FER1L6: variants seen among roughly 807,000 people sequenced by gnomAD.
The protein encoded by FER1L6 is fer-1-like protein 6.
FER1L6 carries 177 observed loss-of-function variants against 219.2 expected under a neutral mutation model. The ratio of observed to expected loss-of-function variants is 0.81; its 90% CI spans 0.71 to 0.91. The LOEUF (loss-of-function observed/expected upper bound fraction) is 0.91. Ranked by LOEUF, FER1L6 falls within the 40% of genes least tolerant of loss-of-function variation. FER1L6 has a pLI of 0.00. For synonymous variants in FER1L6, 768 were observed against 824.3 expected (o/e 0.93, Z 1.17); for missense variants, 2,153 against 2,259.9 (o/e 0.95, Z 0.96).
intron 26 of FER1L6, among the ~76,000 whole-genome samples, 198 bp downstream of exon 26, chr8:124,064,771 GA>G (rs1820752776): frequency 6.6e-6 from 1 of 152,210 alleles, no homozygotes; most frequent in Admixed American, 6.5e-5. Context: ...TAATGTGCAT[GA>G]AATTAAAGTG....
intron 1 of FER1L6, among the ~76,000 whole-genome samples, chr8:123,869,606 G>A (rs1383016245): frequency 6.6e-6 from 1 of 152,200 alleles, no homozygotes; most frequent in Non-Finnish European, 1.5e-5. Context: ...TTGTTAAGAT[G>A]TCAATTCTTC....
intron 5 of FER1L6, among the ~76,000 whole-genome samples, chr8:123,968,877 T>G (rs1815673836): frequency 6.6e-6 from 1 of 152,188 alleles, no homozygotes; most frequent in Admixed American, 6.6e-5. Context: ...TTACTGTGGC[T>G]GTGTCCATCT....
At chr8:123,986,009 C>T (rs1816559585) in intron 11 of FER1L6, 59 bp from the exon 12 acceptor site, 2 of 945,484 alleles carry the variant, frequency 2.1e-6, no homozygotes, top group African/African-American at 1.6e-5. Flanking sequence ...ATCACAAAGT[C>T]AGCTTCCTAA....
intron 35 of FER1L6, 43 bp from the exon 36 acceptor site, chr8:124,097,228 G>A (rs368204214): frequency 2.7e-4 from 395 of 1,439,128 alleles, no homozygotes; most frequent in Non-Finnish European, 3.1e-4. Flanking sequence ...ATGTCCCCTA[G>A]CCCCCTCCCA....
At chr8:123,891,610 A>G (rs574605625) in intron 1 of FER1L6, among the ~76,000 whole-genome samples, 6 of 152,318 alleles carry the variant, frequency 3.9e-5, no homozygotes, top group African/African-American at 1.4e-4. Flanking sequence ...AGGAAATCAC[A>G]GTGTTTTAGT....
intron 1 of FER1L6, among the ~76,000 whole-genome samples, chr8:123,877,258 C>T (rs1817020140): frequency 6.6e-6 from 1 of 152,242 alleles, no homozygotes; most frequent in South Asian, 2.1e-4. Flanking sequence ...TTGTCTAGAA[C>T]TGTGAGGCTT....
At position 124,069,309 on chromosome 8, in the gene FER1L6, C is replaced by T. The variant is rs146702537; in HGVS notation, c.3719-51C>T. ...GGAAAGAAGGAGCTTGGCTTTGTTC[C>T]TTCTCATCTCAACCGCCATGAGAAA... On this transcript the variant is annotated intron_variant, in intron 28 of 40. Transcript: ENST00000522917. The T allele has an allele frequency of 7.2e-4, 964 of 1,335,082 alleles. 10 individuals carry two copies. In the East Asian group the frequency reaches 0.02, roughly 28 times the overall value. The allele number at this position is 1,335,082 out of a possible 1,614,324, so 82.7% of individuals were successfully genotyped here.
At chr8:123,991,135 AG>A (rs1816837821) in intron 12 of FER1L6, among the ~76,000 whole-genome samples, 1 of 152,206 alleles carries the variant, frequency 6.6e-6, no homozygotes, top group South Asian at 2.1e-4. Context: ...ACTTGAAGTC[AG>A]GTAATGTGAT....
chr8:123,871,464 A>G (rs1276910901), intron 1 of FER1L6, among the ~76,000 whole-genome samples: 3 of 151,590 alleles, frequency 2.0e-5, no homozygotes, highest in Non-Finnish European at 4.4e-5. Context: ...CCCCCTGCCC[A>G]CTCCCCTCCC....
rs147753633 is a variant in FER1L6 at position 124,048,581 on chromosome 8, G to T, written c.2725-1026G>T. 5.5e-3 allele frequency among the ~76,000 whole-genome samples: 843 copies of T among 151,938 alleles called. 9 individuals carry two copies. The highest frequency in any genetic ancestry group is 0.019 in the African/African-American group (800 of 41,472). On this transcript the variant is annotated intron_variant, in intron 21 of 40. Coordinates refer to ENST00000522917, the MANE Select transcript of FER1L6 (RefSeq NM_001039112.2). Reference sequence around the variant, plus strand: ...CAAAAATATTTTAATATCCTTTTTTGCTACCAAGAAAAATAGGGCAGGACT... The same window carrying T: ...CAAAAATATTTTAATATCCTTTTTTTCTACCAAGAAAAATAGGGCAGGACT...
intron 13 of FER1L6, among the ~76,000 whole-genome samples, chr8:124,008,643 A>G (rs555347586): frequency 6.6e-6 from 1 of 152,370 alleles, no homozygotes; most frequent in South Asian, 2.1e-4. Context: ...GAGGGATTTA[A>G]TTAAACTAAA....
Position 123,855,141 on chromosome 8 carries a change from G to T in FER1L6, c.-8+2956G>T, listed in dbSNP as rs139120937. Among the ~76,000 whole-genome samples the T allele has an allele frequency of 4.3e-4, 65 of 152,294 alleles. 1 individual carries two copies. The South Asian group carries it at 6.8e-3, about 16-fold the overall frequency. ...TTTCATATAAATGGAATCGAAGGTT[G>T]CCCAGGGGACAGATGAAAAGGCTGG... On this transcript the variant is annotated intron_variant, in intron 1 of 40. Coordinates refer to ENST00000522917, the MANE Select transcript of FER1L6 (RefSeq NM_001039112.2).
chr8:123,938,460 C>T lies in FER1L6; in HGVS notation c.-7-17532C>T, dbSNP rs144315826. ...TTAACATGATCTACTGGGTAATGCC[C>T]ACAATAATAAGTCCAGTGCTAAAAC... On this transcript the variant is annotated intron_variant, in intron 1 of 40. Transcript: ENST00000522917. Among the ~76,000 whole-genome samples, 204 of 151,944 alleles carry T rather than the reference C, an allele frequency of 1.3e-3. 1 individual carries two copies. The highest frequency in any genetic ancestry group is 4.5e-3 in the African/African-American group (188 of 41,406).
chr8:123,874,711 G>A (rs1332142157), intron 1 of FER1L6, among the ~76,000 whole-genome samples: 1 of 152,124 alleles, frequency 6.6e-6, no homozygotes, highest in African/African-American at 2.4e-5. Flanking sequence ...CTGTATTCCA[G>A]TTGTTCTTCT....
chr8:124,062,051 A>G lies in FER1L6; in HGVS notation c.3328+19A>G. 1 of 1,613,354 alleles carries G rather than the reference A, an allele frequency of 6.2e-7. No individual in the cohort carries two copies. The highest frequency in any genetic ancestry group is 1.1e-5 in the South Asian group (1 of 91,028). On this transcript the variant is annotated intron_variant, in intron 25 of 40. Coordinates refer to ENST00000522917, the MANE Select transcript of FER1L6 (RefSeq NM_001039112.2). The stretch of plus-strand genomic sequence containing the variant: ...GGGCACGGTGAGAAGCTGCTCTTAG[A>G]TTTTGTAGCTGTAACTATAAAGTCA...
intron 11 of FER1L6, chr8:123,984,287 T>C (rs1298904295): frequency 6.6e-6 from 1 of 152,202 alleles, no homozygotes; most frequent in East Asian, 1.9e-4. Context: ...TTAAAGTCAA[T>C]CAGCCTCGGA....
At chr8:123,882,349 C>A (rs1817124398) in intron 1 of FER1L6, among the ~76,000 whole-genome samples, 1 of 152,138 alleles carries the variant, frequency 6.6e-6, no homozygotes, top group South Asian at 2.1e-4. Flanking sequence ...GTCTTAGCAG[C>A]CCCTGCATAG....
At chr8:124,055,009 G>A (rs1417570720) in intron 22 of FER1L6, among the ~76,000 whole-genome samples, 2 of 152,202 alleles carry the variant, frequency 1.3e-5, no homozygotes, top group African/African-American at 4.8e-5. Context: ...GTGTAGCCAT[G>A]GAAAGGAAGA....
At chr8:123,955,848 T>G in intron 1 of FER1L6, 144 bp from the exon 2 acceptor site, 1 of 701,452 alleles carries the variant, frequency 1.4e-6, no homozygotes, top group South Asian at 1.9e-5. Context: ...TGGGTGCTGC[T>G]GATACTTGTC....
Sources: allele counts gnomAD v4.1 joint callset (sites outside exome capture counted in the v4.1 genomes callset), GRCh38; gene constraint gnomAD v4.1.1; transcripts MANE v1.5; gene names NCBI Gene and HGNC (gene_info 2026-07-23, HGNC 2026-07-21).